The following COX10 variants were observed in gnomAD, a reference collection of about 807,000 sequenced individuals.
The protein encoded by COX10 is protoheme IX farnesyltransferase, mitochondrial.
In COX10, 27 loss-of-function variants were observed where a neutral mutation model predicts 37.3. The observed-to-expected ratio is 0.72, with a 90% CI of 0.53 to 1.00. The LOEUF (loss-of-function observed/expected upper bound fraction) is 1.00, where lower values mean the gene tolerates loss of function less well. Among genes scored for constraint, COX10 ranks in the 50% least tolerant of loss-of-function variants. The pLI is 0.00. For synonymous variants in COX10, 222 were observed against 229.1 expected (o/e 0.97, Z 0.28); for missense variants, 475 against 563.2 (o/e 0.84, Z 1.59).
chr17:14,117,769 A>G (rs898989375), intron 4 of COX10, among the ~76,000 whole-genome samples: 4 of 152,176 alleles, frequency 2.6e-5, no homozygotes, highest in African/African-American at 9.7e-5. Context: ...GCTTGTGTTA[A>G]TCAGCTCAGT....
intron 4 of COX10, among the ~76,000 whole-genome samples, chr17:14,123,981 T>G (rs758272606): frequency 4.6e-5 from 7 of 152,184 alleles, no homozygotes; most frequent in Non-Finnish European, 1.0e-4. Context: ...GCTGTGAAAC[T>G]AGGCTTGCCT....
intron 4 of COX10, among the ~76,000 whole-genome samples, chr17:14,111,828 T>C (rs1376895862): frequency 6.6e-6 from 1 of 152,126 alleles, no homozygotes; most frequent in East Asian, 1.9e-4. Context: ...GCTGAAGATA[T>C]GTGGATAAAG....
chr17:14,079,182 A>G (rs1457348921), intron 3 of COX10, among the ~76,000 whole-genome samples: 3 of 152,272 alleles, frequency 2.0e-5, no homozygotes, highest in Non-Finnish European at 4.4e-5. Flanking sequence ...TTAAATAATT[A>G]ATGCATATAA....
At chr17:14,115,523 C>T (rs1916091375) in intron 4 of COX10, among the ~76,000 whole-genome samples, 1 of 152,106 alleles carries the variant, frequency 6.6e-6, no homozygotes, top group Non-Finnish European at 1.5e-5. Context: ...AGCAATCCCA[C>T]TACTGGGTAT....
In COX10 at chr17:14,186,532, C is replaced by T. The variant is rs1331577212; in HGVS notation, c.696-5457C>T. On this transcript the variant is annotated intron_variant, in intron 5 of 6. Transcript: ENST00000261643. ...CTAGGTTAGGTGCCCCTGACTGCCCCGTGTTCCCTGCTGTGCCACACATGC... is the reference window on the plus strand; with the variant it reads ...CTAGGTTAGGTGCCCCTGACTGCCCTGTGTTCCCTGCTGTGCCACACATGC... Among the ~76,000 whole-genome samples the T allele has an allele frequency of 8.6e-5, 13 of 151,972 alleles. No homozygotes were observed. The East Asian group carries it at 2.1e-3, about 25-fold the overall frequency.
intron 2 of COX10, 132 bp from the exon 3 acceptor site, chr17:14,076,603 T>A: frequency 1.2e-6 from 1 of 826,074 alleles, no homozygotes. Flanking sequence ...ACATGCCGAA[T>A]TAACAGATAT....
At chr17:14,175,545 A>G (rs1905660048) in intron 5 of COX10, among the ~76,000 whole-genome samples, 1 of 151,682 alleles carries the variant, frequency 6.6e-6, no homozygotes, top group African/African-American at 2.4e-5. Flanking sequence ...CATTGTTACT[A>G]CTTTTTTCAG....
Position 14,074,424 on chromosome 17 carries a change from A to G in COX10, c.145A>G (p.Thr49Ala). 1.9e-6 allele frequency: 3 copies of G among 1,613,964 alleles called. No individual in the cohort carries two copies. Among genetic ancestry groups the G allele is most frequent in the Non-Finnish European group, 2.5e-6 (3 of 1,179,828 alleles). The change falls in exon 2 of 7, where the codon ACA (threonine) becomes GCA (alanine). Residue 49 changes from threonine (T) to alanine (A), a missense_variant. This residue lies in a region of COX10 where 242 missense variants were observed against 242.5 expected (regional missense o/e 1.00). Transcript: ENST00000261643. ...LLRNVNKQWI[T>A]FQHFSFLKRM... ...CAGGAATGTCAATAAGCAGTGGATT[A>G]CATTTCAGCACTTTAGCTTCCTCAA...
At position 14,158,262 on chromosome 17, in the gene COX10, G is replaced by A. The variant is rs567737634; in HGVS notation, c.625-1615G>A. ...AAAAAAAATTAAAAGTAGGTAGTTT[G>A]TAGTATAGGATATGGGGAAAGGAAA... is the stretch of plus-strand genomic sequence containing the variant. On this transcript the variant is annotated intron_variant, in intron 4 of 6. Transcript: ENST00000261643. Among the ~76,000 whole-genome samples, 166 of 152,000 alleles carry A rather than the reference G, an allele frequency of 1.1e-3. 5 individuals are homozygous for A. In the South Asian group the frequency reaches 0.034, roughly 31 times the overall value.
intron 4 of COX10, among the ~76,000 whole-genome samples, chr17:14,122,992 C>T (rs1004942302): frequency 5.3e-5 from 8 of 152,138 alleles, no homozygotes; most frequent in South Asian, 4.1e-4. Flanking sequence ...AGCACCAAAG[C>T]GGATGTGTCA....
At chr17:14,125,340 G>T (rs1446450014) in intron 4 of COX10, among the ~76,000 whole-genome samples, 4 of 152,260 alleles carry the variant, frequency 2.6e-5, no homozygotes, top group African/African-American at 9.6e-5. Flanking sequence ...TGGAATTTTA[G>T]GTTGTTATTT....
At chr17:14,134,301 T>C (rs150811555) in intron 4 of COX10, among the ~76,000 whole-genome samples, 31 of 151,998 alleles carry the variant, frequency 2.0e-4, no homozygotes, top group African/African-American at 7.5e-4. Context: ...TTAAAAAGTA[T>C]TCTTAAAGAA....
intron 5 of COX10, among the ~76,000 whole-genome samples, chr17:14,186,365 C>T (rs1336838407): frequency 6.6e-6 from 1 of 151,968 alleles, no homozygotes; most frequent in Non-Finnish European, 1.5e-5. Flanking sequence ...CATTCTTCTC[C>T]TCTTTGGCCT....
At chr17:14,104,088 T>C (rs111825903) in intron 4 of COX10, among the ~76,000 whole-genome samples, 35 of 152,264 alleles carry the variant, frequency 2.3e-4, no homozygotes, top group African/African-American at 8.2e-4. Flanking sequence ...CTCTGCAGTG[T>C]CCTGAGTGAC....
At chr17:14,124,222 G>C (rs1916286933) in intron 4 of COX10, among the ~76,000 whole-genome samples, 1 of 152,132 alleles carries the variant, frequency 6.6e-6, no homozygotes, top group Admixed American at 6.6e-5. Flanking sequence ...ATGATAGAAA[G>C]AATTGCTTCA....
intron 5 of COX10, among the ~76,000 whole-genome samples, chr17:14,181,558 C>G (rs549209633): frequency 6.6e-6 from 1 of 152,178 alleles, no homozygotes; most frequent in African/African-American, 2.4e-5. Flanking sequence ...TTCAAAGACT[C>G]TTTAAAATTC....
rs187271702 is a variant in COX10, at chr17:14,149,044, C to T, written c.625-10833C>T. Among the ~76,000 whole-genome samples, 332 of 148,548 alleles carry T rather than the reference C, an allele frequency of 2.2e-3. 2 individuals are homozygous for T. Among genetic ancestry groups the T allele is most frequent in the African/African-American group, 7.7e-3 (315 of 40,812 alleles). ...TTTATAATATATTAAAATTAATATT[C>T]ACTAACATAAAAATATGTATAATAA... On this transcript the variant is annotated intron_variant, in intron 4 of 6. Coordinates refer to ENST00000261643, the MANE Select transcript of COX10 (RefSeq NM_001303.4).
chr17:14,166,785 C>CTTTTTTTTTTTTTTTTTT (rs57127092), intron 5 of COX10, among the ~76,000 whole-genome samples: 4 of 100,262 alleles, frequency 4.0e-5, no homozygotes, highest in Non-Finnish European at 5.7e-5. Flanking sequence ...CTATTTCTTT[C>CTTTTTTTTTTTTTTTTTT]TTTTTTTTTT....
intron 5 of COX10, among the ~76,000 whole-genome samples, chr17:14,175,308 C>A (rs1490218797): frequency 6.6e-6 from 1 of 150,858 alleles, no homozygotes; most frequent in Non-Finnish European, 1.5e-5. Flanking sequence ...CTTGGTTTTT[C>A]CTTGGGGAAT....
Sources: gnomAD v4.1 joint callset for allele counts (sites outside exome capture counted in the v4.1 genomes callset) on GRCh38, gnomAD v4.1.1 for gene constraint, gnomAD v4.1.1 regional missense constraint, MANE v1.5 for transcripts, NCBI Gene and HGNC (gene_info 2026-07-23, HGNC 2026-07-21) for gene names.